Variants in DNAJB6 observed in about 807,000 individuals in gnomAD.
DNAJB6 encodes the protein DnaJ heat shock protein family (Hsp40) member B6.
Under a neutral mutation model 42.7 loss-of-function variants are expected in DNAJB6, and 16 were observed. That is an observed-to-expected ratio of 0.37 (90% CI 0.25 to 0.57). The LOEUF is 0.57. Among genes scored for constraint, DNAJB6 ranks in the 20% least tolerant of loss-of-function variants. The probability of loss-of-function intolerance (pLI) is 0.74; values close to 1 mark genes in which losing one functional copy is unlikely to be tolerated. For synonymous variants in DNAJB6, 170 were observed against 163.5 expected, an observed-to-expected ratio of 1.04 and a Z score of -0.30; for missense variants, 347 against 416.8, an observed-to-expected ratio of 0.83 and a Z score of 1.46.
chr7:157,363,206 G>A lies in DNAJB6; in HGVS notation c.111G>A (p.Glu37=), dbSNP rs1341980920. The change falls in exon 3 of 10, where the codon GAG becomes GAA. Residue 37 remains glutamate (E), a synonymous_variant. Transcript: ENST00000262177. ...ALKWHPDKNP[E]NKEEAERKFK... ...AGTGGCATCCAGATAAAAATCCTGA[G>A]AATAAAGAAGAAGCAGAGAGAAAAT... The A allele has an allele frequency of 4.3e-6, 7 of 1,611,644 alleles. No individual in the cohort carries two copies. In the South Asian group the frequency reaches 6.7e-5, roughly 15 times the overall value.
chr7:157,346,499 TC>T (rs1798695288), intron 1 of DNAJB6, among the ~76,000 whole-genome samples: 1 of 152,178 alleles, frequency 6.6e-6, no homozygotes, highest in Non-Finnish European at 1.5e-5. Flanking sequence ...TGCTTTATCA[TC>T]TAATACACAG....
At chr7:157,382,088 G>T in intron 5 of DNAJB6, 158 bp from the exon 6 acceptor site, 1 of 651,776 alleles carries the variant, frequency 1.5e-6, no homozygotes, top group Non-Finnish European at 2.4e-6. Flanking sequence ...GTGAGGTAGT[G>T]TTTCAGTTAC....
At chr7:157,375,025 G>A (rs575233565) in intron 5 of DNAJB6, among the ~76,000 whole-genome samples, 4 of 152,206 alleles carry the variant, frequency 2.6e-5, no homozygotes, top group South Asian at 4.1e-4. Flanking sequence ...GATAGTTGCC[G>A]TATCCTTAGT....
intron 1 of DNAJB6, among the ~76,000 whole-genome samples, chr7:157,347,878 C>G (rs1001915191): frequency 6.6e-6 from 1 of 152,206 alleles, no homozygotes; most frequent in Non-Finnish European, 1.5e-5. Flanking sequence ...TTACTCCAAC[C>G]TCTGCCTCCC....
At chr7:157,395,495 G>C (rs545988674) in intron 8 of DNAJB6, among the ~76,000 whole-genome samples, 2 of 152,340 alleles carry the variant, frequency 1.3e-5, no homozygotes, top group East Asian at 1.9e-4. Context: ...GTTGGAGGTT[G>C]AATCTGGGTG....
chr7:157,415,883 T>C (rs1475898381), intron 9 of DNAJB6, 133 bp from the exon 10 acceptor site: 5 of 1,520,196 alleles, frequency 3.3e-6, no homozygotes. Context: ...GAGGTTTAGC[T>C]GTGGCCAAGA....
chr7:157,407,975 C>T (rs759934214), intron 8 of DNAJB6, among the ~76,000 whole-genome samples: 4 of 152,156 alleles, frequency 2.6e-5, no homozygotes, highest in Admixed American at 6.5e-5. Context: ...ATGGCGCCCG[C>T]GGGCATGGCC....
chr7:157,397,078 CGGTGTGTGTGCAGAATCCA>C (rs1801624100), intron 8 of DNAJB6, among the ~76,000 whole-genome samples: 1 of 152,174 alleles, frequency 6.6e-6, no homozygotes, highest in African/African-American at 2.4e-5. Flanking sequence ...CGTGTGCACG[CGGTGTGTGTGCAGAATCCA>C]GGCTATCAGG....
chr7:157,402,226 G>A (rs1795551560), intron 8 of DNAJB6, among the ~76,000 whole-genome samples: 1 of 152,230 alleles, frequency 6.6e-6, no homozygotes, highest in Non-Finnish European at 1.5e-5. Context: ...CTCCCAGAGT[G>A]TGGGGATCCC....
At chr7:157,409,323 G>T (rs1795887471) in intron 8 of DNAJB6, among the ~76,000 whole-genome samples, 1 of 152,198 alleles carries the variant, frequency 6.6e-6, no homozygotes. Context: ...GCTCCCGTGG[G>T]CGCCGCCGCT....
chr7:157,348,335 C>T (rs576584717), intron 1 of DNAJB6, among the ~76,000 whole-genome samples: 2 of 152,302 alleles, frequency 1.3e-5, no homozygotes, highest in East Asian at 3.9e-4. Context: ...CTCAAGTGAT[C>T]CACCCGTCTT....
intron 8 of DNAJB6, among the ~76,000 whole-genome samples, chr7:157,407,131 G>A (rs1795801168): frequency 6.6e-6 from 1 of 152,256 alleles, no homozygotes; most frequent in South Asian, 2.1e-4. Flanking sequence ...TGAGCTGGAA[G>A]TGCAGAATTT....
chr7:157,345,507 G>T (rs975868298), intron 1 of DNAJB6, among the ~76,000 whole-genome samples: 1 of 151,930 alleles, frequency 6.6e-6, no homozygotes, highest in Non-Finnish European at 1.5e-5. Flanking sequence ...TGTAGAGATG[G>T]TGTCTTACTG....
At chr7:157,380,681 T>G (rs1800716797) in intron 5 of DNAJB6, 2 of 152,330 alleles carry the variant, frequency 1.3e-5, no homozygotes, top group South Asian at 4.1e-4. Context: ...TTCTTCCTCT[T>G]CTGTCTCTTG....
At chr7:157,406,547 G>A (rs1166788103) in intron 8 of DNAJB6, among the ~76,000 whole-genome samples, 3 of 152,340 alleles carry the variant, frequency 2.0e-5, no homozygotes, top group Non-Finnish European at 4.4e-5. Context: ...GTGTTGCCGG[G>A]ACCTGGCCGG....
intron 5 of DNAJB6, among the ~76,000 whole-genome samples, chr7:157,377,597 C>T (rs955104160): frequency 6.6e-6 from 1 of 152,140 alleles, no homozygotes; most frequent in South Asian, 2.1e-4. Flanking sequence ...GCAGTCTCCT[C>T]CCCCGGGGTG....
intron 1 of DNAJB6, among the ~76,000 whole-genome samples, chr7:157,349,671 G>T (rs1284325711): frequency 1.3e-5 from 2 of 152,018 alleles, no homozygotes; most frequent in African/African-American, 4.8e-5. Context: ...TTGAGACGGA[G>T]TCTCACTCTG....
At chr7:157,379,083 C>T (rs923047115) in intron 5 of DNAJB6, 3 of 151,984 alleles carry the variant, frequency 2.0e-5, no homozygotes, top group African/African-American at 7.2e-5. Context: ...AGATTTTTTT[C>T]ATACAAGAAA....
chr7:157,338,906 A>G (rs935999492), intron 1 of DNAJB6, among the ~76,000 whole-genome samples: 1 of 152,180 alleles, frequency 6.6e-6, no homozygotes, highest in Non-Finnish European at 1.5e-5. Flanking sequence ...GAAGGTGAGA[A>G]AGTTGGGAAT....
Sources: gnomAD v4.1 joint callset for allele counts (sites outside exome capture counted in the v4.1 genomes callset) on GRCh38, gnomAD v4.1.1 for gene constraint, MANE v1.5 for transcripts, NCBI Gene and HGNC (gene_info 2026-07-23, HGNC 2026-07-21) for gene names.